The following PCDHGB2 variants were observed in gnomAD, a reference collection of about 807,000 sequenced individuals.
PCDHGB2 encodes the protein protocadherin gamma subfamily B, 2.
Under a neutral mutation model 59.3 loss-of-function variants are expected in PCDHGB2, and 55 were observed. The ratio of observed to expected loss-of-function variants is 0.93; its 90% CI spans 0.75 to 1.16. The LOEUF is 1.16. PCDHGB2 is among the 50% of genes most tolerant of loss of function. The pLI, the probability that PCDHGB2 is intolerant of heterozygous loss-of-function variation, is 0.00. For synonymous variants in PCDHGB2, 516 were observed against 512.0 expected, an observed-to-expected ratio of 1.01 and a Z score of -0.11; for missense variants, 1,228 against 1,198.5, an observed-to-expected ratio of 1.02 and a Z score of -0.36.
rs760680204 is a variant in PCDHGB2, at chr5:141,477,505, CG to C, written c.2422-17301del. ...CACAATCTTCTCAATCTTCCTACGA[CG>C]TTTACATTGAAGAAAACAACCTCCC... On this transcript the variant is annotated intron_variant, in intron 1 of 3. Coordinates refer to ENST00000522605, the MANE Select transcript of PCDHGB2 (RefSeq NM_018923.3). The surrounding 1 kb of genome is among the most constrained non-coding windows in gnomAD (Gnocchi z 4.9). The C allele has an allele frequency of 1.2e-5, 19 of 1,614,008 alleles. No individual in the cohort carries two copies. The highest frequency in any genetic ancestry group is 8.5e-7 in the Non-Finnish European group (1 of 1,180,018).
At position 141,389,844 on chromosome 5, in the gene PCDHGB2, G is replaced by A. The variant is rs558691778; in HGVS notation, c.2421+27288G>A. 80 of 1,614,014 alleles carry A rather than the reference G, an allele frequency of 5.0e-5. No homozygotes were observed. The Admixed American group carries it at 1.3e-3, about 27-fold the overall frequency. On this transcript the variant is annotated intron_variant, in intron 1 of 3. Coordinates refer to ENST00000522605, the MANE Select transcript of PCDHGB2 (RefSeq NM_018923.3). ...TGACGGTGGACAGCCACCACTCTCGGCCACTGCCACGTTGCACCTGGTCTT... is the reference window on the plus strand; with the variant it reads ...TGACGGTGGACAGCCACCACTCTCGACCACTGCCACGTTGCACCTGGTCTT...
At chr5:141,505,767 AGGTCCTAGCTCT>A (rs2099848180) in intron 3 of PCDHGB2, among the ~76,000 whole-genome samples, 1 of 151,756 alleles carries the variant, frequency 6.6e-6, no homozygotes, top group Non-Finnish European at 1.5e-5. Context: ...AGTGTAGCTC[AGGTCCTAGCTCT>A]GCTACTATCC....
intron 1 of PCDHGB2, chr5:141,384,775 G>A: frequency 6.2e-7 from 1 of 1,613,910 alleles, no homozygotes; most frequent in Non-Finnish European, 8.5e-7. Flanking sequence ...CACGGGCGAG[G>A]TGCGCACGGC....
rs777751826 is a variant in PCDHGB2, at chr5:141,371,625, G to T, written c.2421+9069G>T. 2.4e-5 allele frequency: 38 copies of T among 1,613,874 alleles called. No homozygotes were observed. The highest frequency in any genetic ancestry group is 3.3e-5 in the Admixed American group (2 of 60,014). ...CAGGTTGGTGACAGATGGAGCCCTG[G>T]ACCGGGAGCAGATCCCAGAATACAA... On this transcript the variant is annotated intron_variant, in intron 1 of 3. Coordinates refer to ENST00000522605, the MANE Select transcript of PCDHGB2 (RefSeq NM_018923.3).
chr5:141,494,394 T>C (rs1437164389), intron 1 of PCDHGB2, among the ~76,000 whole-genome samples: 1 of 152,154 alleles, frequency 6.6e-6, no homozygotes, highest in African/African-American at 2.4e-5. Flanking sequence ...GTTGAATAAA[T>C]TCATTCTAGG....
chr5:141,392,768 T>C lies in PCDHGB2; in HGVS notation c.2421+30212T>C, dbSNP rs754714050. The C allele has an allele frequency of 1.9e-5, 29 of 1,507,388 alleles. No homozygotes were observed. In the Middle Eastern group the frequency reaches 7.0e-4, roughly 37 times the overall value. 93.4% of individuals were successfully genotyped at this position (1,507,388 alleles called of 1,614,324 possible). On this transcript the variant is annotated intron_variant, in intron 1 of 3. Coordinates refer to ENST00000522605, the MANE Select transcript of PCDHGB2 (RefSeq NM_018923.3). ...GCGGCAAGAAACTAAATAAGACCCA[T>C]TTATGCACAGTGAAGATTCTGAGAG...
In PCDHGB2 at chr5:141,511,360, T is replaced by C; in HGVS notation, c.*187T>C. The C allele has an allele frequency of 7.5e-7, 1 of 1,333,050 alleles. No individual in the cohort carries two copies. Among genetic ancestry groups the C allele is most frequent in the Non-Finnish European group, 1.0e-6 (1 of 994,882 alleles). 82.6% of individuals were successfully genotyped at this position (1,333,050 alleles called of 1,614,324 possible). On this transcript the variant is annotated 3_prime_UTR_variant, in exon 4 of 4. Transcript: ENST00000522605. ...ACCTACCCCTTCCCCCCCAGGGGGT[T>C]GAATATGCAAAAGCAGTTCCGCTGG...
At chr5:141,382,663 G>T (rs1236015442) in intron 1 of PCDHGB2, 1 of 419,258 alleles carries the variant, frequency 2.4e-6, no homozygotes, top group African/African-American at 2.0e-5. Context: ...GACTCACAGC[G>T]CCGCTGTTCA....
chr5:141,389,873 C>T (rs767569258), intron 1 of PCDHGB2: 2 of 1,614,070 alleles, frequency 1.2e-6, no homozygotes, highest in Admixed American at 1.7e-5. Context: ...TGGTCTTCGC[C>T]GACAGCTTGC....
At chr5:141,433,225 GCT>G in intron 1 of PCDHGB2, 1 of 1,517,048 alleles carries the variant, frequency 6.6e-7, no homozygotes, top group African/African-American at 1.4e-5. Context: ...TTTTTTAATT[GCT>G]CTGTCTCCCA....
chr5:141,422,869 T>A, intron 1 of PCDHGB2: 2 of 1,614,202 alleles, frequency 1.2e-6, no homozygotes, highest in Non-Finnish European at 1.7e-6. Context: ...CAGCAACGTG[T>A]CGCTGAGCCT....
chr5:141,374,406 T>C (rs748431130), intron 1 of PCDHGB2: 8 of 1,614,018 alleles, frequency 5.0e-6, no homozygotes, highest in Non-Finnish European at 6.8e-6. Context: ...AGTTTTAACA[T>C]CCTTGTCGAG....
chr5:141,410,849 C>CTTTTTTTTCTTTTTT (rs2095433387), intron 1 of PCDHGB2: 1 of 129,786 alleles, frequency 7.7e-6, no homozygotes, highest in African/African-American at 6.0e-5. Context: ...TTGTCTTTGT[C>CTTTTTTTTCTTTTTT]TTTTTTTTTT....
chr5:141,374,303 C>G (rs373167574), intron 1 of PCDHGB2: 2 of 1,613,938 alleles, frequency 1.2e-6, no homozygotes, highest in Admixed American at 1.7e-5. Context: ...TAGGATGCAG[C>G]TTTTCTCTCT....
Position 141,490,365 on chromosome 5 carries a change from A to G in PCDHGB2, c.2422-4442A>G. The G allele has an allele frequency of 6.2e-7, 1 of 1,614,170 alleles. No individual in the cohort carries two copies. The highest frequency in any genetic ancestry group is 8.5e-7 in the Non-Finnish European group (1 of 1,180,030). On this transcript the variant is annotated intron_variant, in intron 1 of 3. Coordinates refer to ENST00000522605, the MANE Select transcript of PCDHGB2 (RefSeq NM_018923.3). The surrounding 1 kb of genome is among the most constrained non-coding windows in gnomAD (Gnocchi z 5.4). ...CAGTAGTGGGGTTGTTTAATGTGCG[A>G]GACCGGGACTCAGGTAGAAATGGTG...
chr5:141,383,492 G>T (rs1012277194), intron 1 of PCDHGB2: 11 of 1,613,178 alleles, frequency 6.8e-6, no homozygotes, highest in Non-Finnish European at 9.3e-6. Context: ...GTGCTGGAGC[G>T]GGTGCTGGAC....
intron 1 of PCDHGB2, among the ~76,000 whole-genome samples, chr5:141,443,765 A>G (rs577762947): frequency 6.6e-6 from 1 of 152,340 alleles, no homozygotes; most frequent in East Asian, 1.9e-4. Context: ...TACAATATAC[A>G]ATATTACCAA....
At chr5:141,415,738 AGGTTTT>A in intron 1 of PCDHGB2, 1 of 538,082 alleles carries the variant, frequency 1.9e-6, no homozygotes, top group South Asian at 3.9e-5. Flanking sequence ...ATGTTTATTA[AGGTTTT>A]TTTTTTTTTT....
intron 1 of PCDHGB2, among the ~76,000 whole-genome samples, chr5:141,405,811 ACTGT>A (rs56926516): frequency 0.18 from 26,617 of 151,870 alleles, 2,510 homozygotes; most frequent in Admixed American, 0.28. Flanking sequence ...TTTCTCTTTA[ACTGT>A]CTGTACTTAA....
Sources: gnomAD v4.1 joint callset for allele counts (sites outside exome capture counted in the v4.1 genomes callset) on GRCh38, gnomAD v4.1.1 for gene constraint, Gnocchi (gnomAD v3.1) non-coding constraint, MANE v1.5 for transcripts, NCBI Gene and HGNC (gene_info 2026-07-23, HGNC 2026-07-21) for gene names.